The following NOL10 variants were observed in gnomAD, a reference collection of about 807,000 sequenced individuals.
The protein encoded by NOL10 is H_NH0074G24.1.
In NOL10, 58 loss-of-function variants were observed where a neutral mutation model predicts 103.5. The ratio of observed to expected loss-of-function variants is 0.56; its 90% CI spans 0.45 to 0.70. NOL10 has a LOEUF of 0.70. Among genes scored for constraint, NOL10 ranks in the 30% least tolerant of loss-of-function variants. The pLI is 0.00. For synonymous variants in NOL10, 287 were observed against 282.5 expected (o/e 1.02, Z -0.16); for missense variants, 763 against 807.3 (o/e 0.95, Z 0.67).
At position 10,600,753 on chromosome 2, in the gene NOL10, A is replaced by G. The variant is rs906414591; in HGVS notation, c.1422+100T>C. On this transcript the variant is annotated intron_variant, in intron 17 of 20. Transcript: ENST00000381685. ...CTAATCTTATACGCAGGAAAGAAAA[A>G]GTCCTACATGTATTTTTAAAGTAAA... 7.7e-6 allele frequency: 6 copies of G among 775,380 alleles called. No individual in the cohort carries two copies. The Admixed American group carries it at 1.1e-4, about 14-fold the overall frequency. The allele number at this position is 775,380 out of a possible 1,614,324, so 48.0% of individuals were successfully genotyped here. A position where few individuals can be genotyped will look rare whatever the true frequency, so the allele number is the denominator to read the frequency against.
intron 14 of NOL10, among the ~76,000 whole-genome samples, chr2:10,606,333 T>C (rs1482203753): frequency 6.6e-6 from 1 of 152,008 alleles, no homozygotes; most frequent in Non-Finnish European, 1.5e-5. Flanking sequence ...CTTAGAATAC[T>C]GCCTGCACAG....
intron 5 of NOL10, among the ~76,000 whole-genome samples, chr2:10,672,623 T>C (rs1442122107): frequency 1.3e-5 from 2 of 152,240 alleles, no homozygotes; most frequent in Admixed American, 6.5e-5. Context: ...AGATGCCATT[T>C]GACATCACTA....
intron 9 of NOL10, among the ~76,000 whole-genome samples, chr2:10,661,166 C>T (rs1218718098): frequency 6.6e-6 from 1 of 152,196 alleles, no homozygotes; most frequent in Non-Finnish European, 1.5e-5. Context: ...ACCTCCGCCT[C>T]CTGGGTTCAA....
chr2:10,675,822 C>T lies in NOL10; in HGVS notation c.261G>A (p.Leu87=). 1.3e-6 allele frequency: 2 copies of T among 1,578,824 alleles called. No homozygotes were observed. Among genetic ancestry groups the T allele is most frequent in the African/African-American group, 1.3e-5 (1 of 74,404 alleles). ...VRCYDTYQLS[L]KFERCLDSEV... ...CTGAATCTAAACACCTTTCAAACTT[C>T]AAGGATAATTGATAGGTGTCATAAC... is the stretch of plus-strand genomic sequence containing the variant. Residue 87 remains leucine, a synonymous_variant, in exon 4 of 21, where the codon TTG becomes TTA. Coordinates refer to ENST00000381685, the MANE Select transcript of NOL10 (RefSeq NM_024894.4).
intron 13 of NOL10, among the ~76,000 whole-genome samples, chr2:10,618,932 T>C (rs1676980453): frequency 6.6e-6 from 1 of 152,196 alleles, no homozygotes; most frequent in African/African-American, 2.4e-5. Flanking sequence ...AACATTTACT[T>C]GAGGAGCTGG....
At chr2:10,641,230 C>T (rs1678678739) in intron 13 of NOL10, among the ~76,000 whole-genome samples, 1 of 151,322 alleles carries the variant, frequency 6.6e-6, no homozygotes, top group Non-Finnish European at 1.5e-5. Flanking sequence ...GTAATCCCAG[C>T]TCCTCAGGAG....
intron 13 of NOL10, among the ~76,000 whole-genome samples, chr2:10,612,846 C>A (rs1676641621): frequency 6.6e-6 from 1 of 152,004 alleles, no homozygotes; most frequent in South Asian, 2.1e-4. Context: ...TGTCTCTACA[C>A]ATTTTTTATA....
chr2:10,596,334 A>G (rs931793993), intron 17 of NOL10, among the ~76,000 whole-genome samples: 2 of 147,860 alleles, frequency 1.4e-5, no homozygotes, highest in African/African-American at 5.1e-5. Context: ...TATTTCTATT[A>G]TTATTACACT....
At chr2:10,592,810 C>T (rs1288971692) in intron 17 of NOL10, among the ~76,000 whole-genome samples, 1 of 152,032 alleles carries the variant, frequency 6.6e-6, no homozygotes, top group African/African-American at 2.4e-5. Context: ...CTCTTCTGAC[C>T]CAGCTTGTAA....
chr2:10,645,944 TACACACACACACAC>T (rs57494359), intron 12 of NOL10, among the ~76,000 whole-genome samples: 3 of 147,592 alleles, frequency 2.0e-5, no homozygotes, highest in Non-Finnish European at 4.5e-5. Flanking sequence ...CACACACACA[TACACACACACACAC>T]ACACACACAC....
intron 20 of NOL10, among the ~76,000 whole-genome samples, chr2:10,573,008 G>T (rs564739982): frequency 9.5e-4 from 145 of 151,854 alleles, no homozygotes; most frequent in African/African-American, 3.3e-3. Context: ...AGAGTTACAC[G>T]GTTTTAAAAA....
chr2:10,679,306 C>G (rs963894043), intron 3 of NOL10, among the ~76,000 whole-genome samples: 3 of 151,012 alleles, frequency 2.0e-5, no homozygotes, highest in African/African-American at 7.3e-5. Context: ...TTGCGGTAAG[C>G]CAAGATGGCA....
At position 10,666,517 on chromosome 2, in the gene NOL10, C is replaced by T. The variant is rs888456501; in HGVS notation, c.591+701G>A. On this transcript the variant is annotated intron_variant, in intron 8 of 20. Coordinates refer to ENST00000381685, the MANE Select transcript of NOL10 (RefSeq NM_024894.4). ...CTAATTTTTGTATTTTTAGTAGAGA[C>T]GGTGTTTCGCCATATTGGCCAGGCT... Among the ~76,000 whole-genome samples the T allele has an allele frequency of 2.0e-5, 3 of 152,040 alleles. No individual in the cohort carries two copies. The South Asian group carries it at 6.2e-4, about 31-fold the overall frequency.
chr2:10,599,968 G>A (rs1274154660), intron 17 of NOL10, among the ~76,000 whole-genome samples: 2 of 151,876 alleles, frequency 1.3e-5, no homozygotes, highest in Non-Finnish European at 2.9e-5. Flanking sequence ...TTAGATGCAC[G>A]TACCTGGTTA....
chr2:10,573,447 C>A (rs1311322677), intron 20 of NOL10, among the ~76,000 whole-genome samples: 1 of 152,162 alleles, frequency 6.6e-6, no homozygotes, highest in African/African-American at 2.4e-5. Flanking sequence ...CCACCTTGGC[C>A]TCCTAAAGTG....
intron 6 of NOL10, among the ~76,000 whole-genome samples, chr2:10,670,034 GA>G (rs1680826145): frequency 6.6e-6 from 1 of 152,046 alleles, no homozygotes; most frequent in Non-Finnish European, 1.5e-5. Context: ...GAAACATAGT[GA>G]GACCCCATCT....
intron 19 of NOL10, among the ~76,000 whole-genome samples, chr2:10,586,189 A>G (rs1348619903): frequency 6.6e-5 from 10 of 152,242 alleles, no homozygotes; most frequent in Non-Finnish European, 1.3e-4. Context: ...AATGTTCTAA[A>G]ATTAAGGTGA....
intron 12 of NOL10, among the ~76,000 whole-genome samples, chr2:10,646,998 C>T (rs538137609): frequency 6.6e-6 from 1 of 152,200 alleles, no homozygotes; most frequent in South Asian, 2.1e-4. Flanking sequence ...ATGGTTTCAC[C>T]CATGAAGACA....
chr2:10,623,844 T>C (rs769506297), intron 13 of NOL10, among the ~76,000 whole-genome samples: 1 of 152,210 alleles, frequency 6.6e-6, no homozygotes, highest in African/African-American at 2.4e-5. Context: ...AATAAGATAC[T>C]ATACGCTATA....
Sources: gnomAD v4.1 joint callset for allele counts (sites outside exome capture counted in the v4.1 genomes callset) on GRCh38, gnomAD v4.1.1 for gene constraint, MANE v1.5 for transcripts, NCBI Gene and HGNC (gene_info 2026-07-23, HGNC 2026-07-21) for gene names.